The following MYO16 variants were observed in gnomAD, a reference collection of about 807,000 sequenced individuals.
The protein encoded by MYO16 is unconventional myosin-XVI.
In MYO16, 94 loss-of-function variants were observed where a neutral mutation model predicts 205.3. The observed-to-expected ratio is 0.46, with a 90% CI of 0.39 to 0.54. MYO16 has a LOEUF of 0.54. Among genes scored for constraint, MYO16 ranks in the 20% least tolerant of loss-of-function variants. MYO16 has a pLI of 0.00. For missense variants in MYO16, 2,315 were observed against 2,387.5 expected, an observed-to-expected ratio of 0.97 and a Z score of 0.63; for synonymous variants, 988 against 954.0, an observed-to-expected ratio of 1.04 and a Z score of -0.66.
At chr13:108,532,658 G>A in the MYO16 span, among the ~76,000 whole-genome samples, 1 of 151,872 alleles carries the variant, frequency 6.6e-6, no homozygotes, top group African/African-American at 2.4e-5. Context: ...GGGCATGGTG[G>A]CACGTGTCTG....
intron 28 of MYO16, among the ~76,000 whole-genome samples, chr13:109,117,610 C>A (rs1388634435): frequency 6.6e-6 from 1 of 151,112 alleles, no homozygotes; most frequent in Non-Finnish European, 1.5e-5. Context: ...TCTGGGAACA[C>A]AAATAGAAGG....
chr13:108,836,342 T>C (rs900605079), intron 9 of MYO16, among the ~76,000 whole-genome samples: 5 of 152,210 alleles, frequency 3.3e-5, no homozygotes, highest in Admixed American at 2.0e-4. Context: ...AGAGGATGTA[T>C]GGAAACATCT....
At chr13:108,810,229 C>G (rs141470007) in intron 7 of MYO16, among the ~76,000 whole-genome samples, 1 of 152,176 alleles carries the variant, frequency 6.6e-6, no homozygotes, top group African/African-American at 2.4e-5. Context: ...TATGTCTTTA[C>G]TACTTTGTTC....
Position 109,127,691 on chromosome 13 carries a change from T to C in MYO16, c.4051+141T>C. 2 of 787,082 alleles carry C rather than the reference T, an allele frequency of 2.5e-6. No individual in the cohort carries two copies. The highest frequency in any genetic ancestry group is 1.9e-6 in the Non-Finnish European group (1 of 513,686). The allele number at this position is 787,082 out of a possible 1,614,324, so 48.8% of individuals were successfully genotyped here. A position where few individuals can be genotyped will look rare whatever the true frequency, so the allele number is the denominator to read the frequency against. On this transcript the variant is annotated intron_variant, in intron 31 of 34. Transcript: ENST00000457511. The surrounding 1 kb of genome is among the most constrained non-coding windows in gnomAD (Gnocchi z 4.2). Reference sequence around the variant, plus strand: ...CAATTGTTGGCTTGCCAGCAGCTCTTAATCATTAAATATAAATAATATTTA... The same window carrying C: ...CAATTGTTGGCTTGCCAGCAGCTCTCAATCATTAAATATAAATAATATTTA...
In MYO16 at chr13:108,963,199, G is replaced by T. The variant is rs150282179; in HGVS notation, c.2227+704G>T. Among the ~76,000 whole-genome samples, 694 of 152,264 alleles carry T rather than the reference G, an allele frequency of 4.6e-3. 4 individuals carry two copies. Among genetic ancestry groups the T allele is most frequent in the African/African-American group, 0.016 (658 of 41,548 alleles). On this transcript the variant is annotated intron_variant, in intron 19 of 34. Transcript: ENST00000457511. ...TACTATTTTCCTCTTTATTGTGATT[G>T]TGAGAACTCACCATTCATCTAATCT...
chr13:109,178,651 A>G (rs1039631853), intron 33 of MYO16, among the ~76,000 whole-genome samples: 5 of 152,080 alleles, frequency 3.3e-5, no homozygotes, highest in African/African-American at 4.8e-5. Context: ...GCGGTGATGC[A>G]TTGCGCCTGT....
intron 16 of MYO16, among the ~76,000 whole-genome samples, chr13:108,955,461 T>C (rs1172157974): frequency 6.6e-6 from 1 of 152,174 alleles, no homozygotes; most frequent in Non-Finnish European, 1.5e-5. Context: ...GCCACCATGG[T>C]CTGCTTCTCC....
chr13:108,868,613 G>A (rs1398984583), intron 12 of MYO16, among the ~76,000 whole-genome samples: 8 of 151,974 alleles, frequency 5.3e-5, no homozygotes, highest in African/African-American at 9.6e-5. Flanking sequence ...ACCTGAAACC[G>A]TACTGTTTAT....
At chr13:108,670,616 C>G (rs1881941249) in intron 2 of MYO16, among the ~76,000 whole-genome samples, 2 of 151,822 alleles carry the variant, frequency 1.3e-5, no homozygotes, top group Admixed American at 6.6e-5. Flanking sequence ...TTAAATGGGA[C>G]CTATAGAAAA....
intron 34 of MYO16, among the ~76,000 whole-genome samples, chr13:109,194,151 C>G (rs1477473196): frequency 1.3e-5 from 2 of 152,096 alleles, no homozygotes; most frequent in Non-Finnish European, 2.9e-5. Flanking sequence ...TCTTGTTACC[C>G]AATTTGAATG....
At chr13:108,568,952 T>A in the MYO16 span, among the ~76,000 whole-genome samples, 5 of 151,830 alleles carry the variant, frequency 3.3e-5, 1 homozygote, top group Admixed American at 1.3e-4. Flanking sequence ...CTAGTTATAT[T>A]TTTTTTCAAG....
intron 23 of MYO16, among the ~76,000 whole-genome samples, chr13:109,023,695 G>GCAAATATGTATATATACA (rs1566468345): frequency 8.8e-6 from 1 of 113,460 alleles, no homozygotes; most frequent in Non-Finnish European, 1.8e-5. Flanking sequence ...ACATATATAT[G>GCAAATATGTATATATACA]TATATATGTA....
chr13:108,959,564 C>T (rs1240693564), intron 17 of MYO16, among the ~76,000 whole-genome samples: 1 of 152,160 alleles, frequency 6.6e-6, no homozygotes, highest in Non-Finnish European at 1.5e-5. Context: ...TTCATCCTGA[C>T]CCTGGGAGTG....
chr13:109,110,852 G>A (rs1889262990), intron 28 of MYO16, among the ~76,000 whole-genome samples: 1 of 152,176 alleles, frequency 6.6e-6, no homozygotes, highest in South Asian at 2.1e-4. Flanking sequence ...TTTCTTTACT[G>A]AGCTTGTTGA....
intron 10 of MYO16, among the ~76,000 whole-genome samples, chr13:108,853,058 G>A (rs550682740): frequency 1.8e-4 from 27 of 152,144 alleles, no homozygotes; most frequent in Non-Finnish European, 2.9e-4. Context: ...TTGTGTGACC[G>A]ATGAAAGCAG....
chr13:109,159,246 A>G (rs1346867300), intron 32 of MYO16, among the ~76,000 whole-genome samples: 1 of 152,346 alleles, frequency 6.6e-6, no homozygotes, highest in East Asian at 1.9e-4. Flanking sequence ...TCCTTATCTT[A>G]TAATTTTAAA....
intron 24 of MYO16, among the ~76,000 whole-genome samples, chr13:109,047,990 G>A (rs947194190): frequency 6.6e-6 from 1 of 152,016 alleles, no homozygotes; most frequent in African/African-American, 2.4e-5. Flanking sequence ...AGACGGAAAA[G>A]AATTGGTCTT....
intron 1 of MYO16, among the ~76,000 whole-genome samples, chr13:108,598,894 T>A (rs1014507779): frequency 6.6e-6 from 1 of 151,736 alleles, no homozygotes. Flanking sequence ...ATGTGCACAA[T>A]GTGCCAGTTA....
chr13:108,923,940 G>A (rs973036221), intron 16 of MYO16, among the ~76,000 whole-genome samples: 7 of 152,136 alleles, frequency 4.6e-5, no homozygotes, highest in Admixed American at 2.0e-4. Context: ...TGTATAGGCC[G>A]TTACATTTCA....
Sources: gnomAD v4.1 joint callset for allele counts (sites outside exome capture counted in the v4.1 genomes callset) on GRCh38, gnomAD v4.1.1 for gene constraint, Gnocchi (gnomAD v3.1) non-coding constraint, MANE v1.5 for transcripts, NCBI Gene and HGNC (gene_info 2026-07-23, HGNC 2026-07-21) for gene names.